LSAMP: variants seen among roughly 807,000 people sequenced by gnomAD.
LSAMP encodes limbic system-associated membrane protein.
LSAMP carries 7 observed loss-of-function variants against 38.6 expected under a neutral mutation model. That is an observed-to-expected ratio of 0.18 (90% CI 0.10 to 0.34). LSAMP has a LOEUF of 0.34. Among genes scored for constraint, LSAMP ranks in the 10% least tolerant of loss-of-function variants. LSAMP has a pLI of 1.00. For synonymous variants in LSAMP, 154 were observed against 166.8 expected (o/e 0.92, Z 0.59); for missense variants, 313 against 420.0 (o/e 0.75, Z 2.23).
intron 1 of LSAMP, among the ~76,000 whole-genome samples, chr3:116,185,526 T>G (rs1157793301): frequency 6.6e-6 from 1 of 152,078 alleles, no homozygotes; most frequent in Non-Finnish European, 1.5e-5. Context: ...TATAAGGTTT[T>G]TACTCAGTTT....
chr3:115,811,363 G>A (rs1272871878), intron 6 of LSAMP, among the ~76,000 whole-genome samples: 3 of 152,160 alleles, frequency 2.0e-5, no homozygotes, highest in Admixed American at 2.0e-4. Context: ...TATCATCTCT[G>A]CTTTGCTTGT....
At chr3:115,878,586 A>G (rs1576177637) in intron 3 of LSAMP, among the ~76,000 whole-genome samples, 1 of 149,078 alleles carries the variant, frequency 6.7e-6, no homozygotes, top group African/African-American at 2.5e-5. Flanking sequence ...CTCAGCCTCC[A>G]GAGTAGCTGG....
At chr3:116,356,686 T>C (rs2048227193) in intron 1 of LSAMP, among the ~76,000 whole-genome samples, 1 of 152,212 alleles carries the variant, frequency 6.6e-6, no homozygotes, top group South Asian at 2.1e-4. Flanking sequence ...CTGTAAAAAA[T>C]ATCTAATATA....
At chr3:116,001,793 C>T (rs1940000874) in intron 3 of LSAMP, among the ~76,000 whole-genome samples, 1 of 152,184 alleles carries the variant, frequency 6.6e-6, no homozygotes, top group Non-Finnish European at 1.5e-5. Flanking sequence ...CTGCTTCTCT[C>T]TGATAAAGAT....
rs556086855 is a variant in LSAMP at position 116,272,046 on chromosome 3, G to C, written c.155+172831C>G. On this transcript the variant is annotated intron_variant, in intron 1 of 6. Coordinates refer to ENST00000490035, the MANE Select transcript of LSAMP (RefSeq NM_002338.5). ...GAATGATAAAAGAGATGGATGTAAAGATGGAAGGAATTCTCAAAGCCCTTT... is the reference window on the plus strand; with the variant it reads ...GAATGATAAAAGAGATGGATGTAAACATGGAAGGAATTCTCAAAGCCCTTT... 2.0e-5 allele frequency among the ~76,000 whole-genome samples: 3 copies of C among 152,134 alleles called. No homozygotes were observed. In the East Asian group the frequency reaches 5.8e-4, roughly 29 times the overall value.
chr3:116,109,277 C>T (rs1417016026), intron 1 of LSAMP, among the ~76,000 whole-genome samples: 1 of 151,976 alleles, frequency 6.6e-6, no homozygotes, highest in African/African-American at 2.4e-5. Flanking sequence ...GTAAGCCGGA[C>T]CAGGTGTGAG....
At chr3:116,431,334 C>T (rs1286367471) in intron 1 of LSAMP, among the ~76,000 whole-genome samples, 3 of 152,126 alleles carry the variant, frequency 2.0e-5, no homozygotes, top group East Asian at 3.9e-4. Flanking sequence ...ATTATATTTG[C>T]TCATTTAAAA....
intron 1 of LSAMP, among the ~76,000 whole-genome samples, chr3:116,173,383 A>G (rs1710251680): frequency 6.6e-6 from 1 of 152,056 alleles, no homozygotes; most frequent in African/African-American, 2.4e-5. Flanking sequence ...TGCCAATTAA[A>G]TGGCTGAACA....
chr3:116,019,300 C>T (rs909690246), intron 3 of LSAMP, among the ~76,000 whole-genome samples: 4 of 151,844 alleles, frequency 2.6e-5, no homozygotes, highest in South Asian at 2.1e-4. Context: ...GAGATTAACA[C>T]GTTAGCAAAG....
chr3:115,892,642 A>G (rs1324123289), intron 3 of LSAMP, among the ~76,000 whole-genome samples: 1 of 151,828 alleles, frequency 6.6e-6, no homozygotes, highest in East Asian at 1.9e-4. Flanking sequence ...GTGTCATGCT[A>G]TATATTTGTG....
At chr3:116,171,959 C>T (rs1710210829) in intron 1 of LSAMP, among the ~76,000 whole-genome samples, 1 of 152,048 alleles carries the variant, frequency 6.6e-6, no homozygotes, top group African/African-American at 2.4e-5. Flanking sequence ...AGCATCCATT[C>T]ACTCAAAAAC....
chr3:115,886,034 C>A (rs1034174216), intron 3 of LSAMP, among the ~76,000 whole-genome samples: 8 of 151,958 alleles, frequency 5.3e-5, no homozygotes, highest in Non-Finnish European at 1.5e-5. Flanking sequence ...CAGATTCTCT[C>A]TGTGCTTCAG....
At chr3:116,221,844 A>AGTGTGTGTGTGTGTGTGTGT (rs58596077) in intron 1 of LSAMP, among the ~76,000 whole-genome samples, 1 of 145,370 alleles carries the variant, frequency 6.9e-6, no homozygotes, top group South Asian at 2.3e-4. Context: ...CCTAAAAAGA[A>AGTGTGTGTGTGTGTGTGTGT]GTGTGTGTGT....
In LSAMP at chr3:116,178,459, C is replaced by T. The variant is rs113881829; in HGVS notation, c.156-91903G>A. On this transcript the variant is annotated intron_variant, in intron 1 of 6. Coordinates refer to ENST00000490035, the MANE Select transcript of LSAMP (RefSeq NM_002338.5). ...CTGGGATTACAGGCGTGAGCCACCACGCCCGGCCAAAAGAGATGAGATTTA... is the reference window on the plus strand; with the variant it reads ...CTGGGATTACAGGCGTGAGCCACCATGCCCGGCCAAAAGAGATGAGATTTA... Among the ~76,000 whole-genome samples the T allele has an allele frequency of 1.4e-3, 210 of 152,266 alleles. 1 individual carries two copies. The highest frequency in any genetic ancestry group is 4.7e-3 in the African/African-American group (195 of 41,562).
At chr3:116,344,712 A>G (rs2048041143) in intron 1 of LSAMP, among the ~76,000 whole-genome samples, 1 of 152,156 alleles carries the variant, frequency 6.6e-6, no homozygotes, top group Non-Finnish European at 1.5e-5. Flanking sequence ...TGCATATTTA[A>G]TCAATACAAC....
chr3:115,956,631 G>T (rs1938463607), intron 3 of LSAMP, among the ~76,000 whole-genome samples: 1 of 152,062 alleles, frequency 6.6e-6, no homozygotes. Flanking sequence ...ATTCACTAAA[G>T]ATTTGGATTT....
chr3:116,232,201 A>G (rs375544640), intron 1 of LSAMP, among the ~76,000 whole-genome samples: 6 of 152,314 alleles, frequency 3.9e-5, no homozygotes, highest in African/African-American at 1.4e-4. Flanking sequence ...AGAGCCTCCA[A>G]ACAATCTTTG....
In LSAMP at chr3:116,396,799, C is replaced by A. The variant is rs138400578; in HGVS notation, c.155+48078G>T. On this transcript the variant is annotated intron_variant, in intron 1 of 6. Transcript: ENST00000490035. ...ATGCTCAACCTTTTCCTCTCAAAAT[C>A]TGTTCATTGTTTTCTCTAACTCAGT... Among the ~76,000 whole-genome samples the A allele has an allele frequency of 5.9e-5, 9 of 152,300 alleles. No homozygotes were observed. The East Asian group carries it at 1.7e-3, about 29-fold the overall frequency.
At chr3:115,858,772 T>C (rs1935586037) in intron 3 of LSAMP, among the ~76,000 whole-genome samples, 2 of 152,130 alleles carry the variant, frequency 1.3e-5, no homozygotes, top group Non-Finnish European at 2.9e-5. Context: ...GTGAGTGAAG[T>C]AAGTAAGCAA....
Sources: gnomAD v4.1 joint callset for allele counts (sites outside exome capture counted in the v4.1 genomes callset) on GRCh38, gnomAD v4.1.1 for gene constraint, MANE v1.5 for transcripts, NCBI Gene and HGNC (gene_info 2026-07-23, HGNC 2026-07-21) for gene names.